ODF2: variants seen among roughly 807,000 people sequenced by gnomAD.
ODF2 encodes outer dense fiber protein 2.
A neutral mutation model predicts 110.2 loss-of-function variants in ODF2; 47 were observed. The ratio of observed to expected loss-of-function variants is 0.43; its 90% CI spans 0.34 to 0.54. The LOEUF (loss-of-function observed/expected upper bound fraction) is 0.54. ODF2 is among the 20% of genes least tolerant of loss of function. The probability of loss-of-function intolerance (pLI) is 0.03; values close to 1 mark genes in which losing one functional copy is unlikely to be tolerated. For synonymous variants in ODF2, 352 were observed against 397.7 expected (o/e 0.89, Z 1.37); for missense variants, 812 against 1,054.5 (o/e 0.77, Z 3.19).
chr9:128,496,124 G>A (rs761257789), exon 18 of ODF2: 8 of 1,614,006 alleles, frequency 5.0e-6, no homozygotes, highest in Non-Finnish European at 6.8e-6. Flanking sequence ...TGAGTCTGAA[G>A]GTGGATGAAC....
At chr9:128,483,690 G>A (rs1466133214) in intron 10 of ODF2, among the ~76,000 whole-genome samples, 1 of 151,842 alleles carries the variant, frequency 6.6e-6, no homozygotes, top group Non-Finnish European at 1.5e-5. Flanking sequence ...ATCGAGACCA[G>A]TCTGGCCAAC....
intron 8 of ODF2, 112 bp downstream of exon 8, chr9:128,473,853 T>G: frequency 1.1e-6 from 1 of 926,012 alleles, no homozygotes; most frequent in South Asian, 1.6e-5. Context: ...GAGAGGTCCT[T>G]AGAGAGATGT....
chr9:128,462,209 T>C (rs1588714865), intron 4 of ODF2, among the ~76,000 whole-genome samples: 1 of 151,894 alleles, frequency 6.6e-6, no homozygotes, highest in Non-Finnish European at 1.5e-5. Flanking sequence ...TGGAGTGCAG[T>C]GGCGCGATCT....
In ODF2 at chr9:128,494,849, G is replaced by A; in HGVS notation, c.1911+181G>A. The A allele has an allele frequency of 6.7e-7, 1 of 1,484,332 alleles. No individual in the cohort carries two copies. The highest frequency in any genetic ancestry group is 8.9e-7 in the Non-Finnish European group (1 of 1,118,526). 91.9% of individuals were successfully genotyped at this position (1,484,332 alleles called of 1,614,324 possible). A position where few individuals can be genotyped will look rare whatever the true frequency, so the allele number is the denominator to read the frequency against. Reference sequence around the variant, plus strand: ...CTGGTGTGCCAAATGCCATGTGTTTGCACAAAGTGATTGTAGTTATAGGAG... The same window carrying A: ...CTGGTGTGCCAAATGCCATGTGTTTACACAAAGTGATTGTAGTTATAGGAG... On this transcript the variant is annotated intron_variant, in intron 17 of 20. Transcript: ENST00000604420. This position sits in a 1 kb window ranked among gnomAD's most constrained non-coding sequence, Gnocchi z 4.6.
At chr9:128,456,034 A>G (rs1834684186), upstream of ODF2, 1 of 1,457,440 alleles carries the variant, frequency 6.9e-7, no homozygotes, top group African/African-American at 1.5e-5. Flanking sequence ...CTGTGACGCT[A>G]GGGGCTGGGC....
rs529791194 is a variant in ODF2, at chr9:128,466,293, G to A, written c.250-2890G>A. ...CCAGCTTGGACAATGTGACGAAACCGTATCTCTACCAAAAATACAAAAAAT... is the reference window on the plus strand; with the variant it reads ...CCAGCTTGGACAATGTGACGAAACCATATCTCTACCAAAAATACAAAAAAT... On this transcript the variant is annotated intron_variant, in intron 4 of 20. Coordinates refer to ENST00000604420, the Ensembl canonical transcript of ODF2. 3.9e-5 allele frequency among the ~76,000 whole-genome samples: 6 copies of A among 151,924 alleles called. No homozygotes were observed. In the South Asian group the frequency reaches 6.2e-4, roughly 16 times the overall value.
At chr9:128,487,334 G>A (rs1429928542) in intron 13 of ODF2, among the ~76,000 whole-genome samples, 1 of 152,172 alleles carries the variant, frequency 6.6e-6, no homozygotes, top group African/African-American at 2.4e-5. Context: ...CTTAACGGAC[G>A]TCGTTCAGAG....
exon 7 of ODF2, chr9:128,472,990 C>T (rs767075640): frequency 2.5e-6 from 4 of 1,614,020 alleles, no homozygotes; most frequent in South Asian, 2.2e-5. Context: ...GATGGGGCTG[C>T]GGCTGCCAAG....
chr9:128,468,960 T>C (rs1839023607), intron 4 of ODF2: 1 of 529,574 alleles, frequency 1.9e-6, no homozygotes, highest in African/African-American at 1.9e-5. Flanking sequence ...CTTAACATTG[T>C]AGCCCAAGCT....
chr9:128,490,577 G>A (rs1169729421), intron 14 of ODF2, among the ~76,000 whole-genome samples: 2 of 151,982 alleles, frequency 1.3e-5, no homozygotes, highest in South Asian at 2.1e-4. Context: ...GAGCCACCAC[G>A]CCTGGCCTTT....
chr9:128,455,293 T>C, upstream of ODF2: 8 of 1,463,710 alleles, frequency 5.5e-6, no homozygotes, highest in Non-Finnish European at 7.4e-6. Context: ...GGCTCAAGCC[T>C]GTAATACAAG....
intron 17 of ODF2, among the ~76,000 whole-genome samples, 190 bp from the exon 18 acceptor site, chr9:128,495,850 AG>A (rs1168051309): frequency 3.3e-5 from 5 of 151,804 alleles, no homozygotes; most frequent in Non-Finnish European, 7.4e-5. Flanking sequence ...GTGTGGGGAG[AG>A]CCTTTTGTCT....
intron 4 of ODF2, among the ~76,000 whole-genome samples, chr9:128,461,714 C>T (rs1836509241): frequency 6.6e-6 from 1 of 152,106 alleles, no homozygotes; most frequent in African/African-American, 2.4e-5. Flanking sequence ...CCACCACAGC[C>T]AGCCTATTTT....
At chr9:128,473,626 G>T in exon 8 of ODF2, 3 of 1,613,344 alleles carry the variant, frequency 1.9e-6, no homozygotes, top group Non-Finnish European at 2.5e-6. Flanking sequence ...CAAATGACCT[G>T]CACGGACATC....
upstream of ODF2, chr9:128,455,959 C>T: frequency 7.1e-7 from 1 of 1,407,836 alleles, no homozygotes; most frequent in Non-Finnish European, 9.2e-7. Context: ...ACGCGTAGCA[C>T]GTCTCCTTGG....
At chr9:128,457,178 A>T in intron 1 of ODF2, 1 of 1,516,964 alleles carries the variant, frequency 6.6e-7, no homozygotes, top group South Asian at 1.2e-5. Flanking sequence ...AGCCTCTACT[A>T]TTTCCCCCTA....
intron 1 of ODF2, chr9:128,456,722 G>A: frequency 2.2e-6 from 3 of 1,364,040 alleles, no homozygotes; most frequent in Non-Finnish European, 1.9e-6. Flanking sequence ...GCTGTCCCCC[G>A]GGCACCGTCT....
Position 128,477,371 on chromosome 9 carries a change from A to T in ODF2, c.843+3630A>T, listed in dbSNP as rs1441072073. Among the ~76,000 whole-genome samples, 4 of 151,928 alleles carry T rather than the reference A, an allele frequency of 2.6e-5. No homozygotes were observed. The East Asian group carries it at 5.9e-4, about 22-fold the overall frequency. ...TGAGACCAGCCGGGGCAACACAGTG[A>T]GACTTCATCTGTACAAAACATTTTA... On this transcript the variant is annotated intron_variant, in intron 8 of 20. Coordinates refer to ENST00000604420, the Ensembl canonical transcript of ODF2.
At chr9:128,463,384 C>T (rs1433392830) in intron 4 of ODF2, among the ~76,000 whole-genome samples, 1 of 152,032 alleles carries the variant, frequency 6.6e-6, no homozygotes, top group Non-Finnish European at 1.5e-5. Flanking sequence ...TTTGGGAGGC[C>T]AAAGCAGGAG....
Sources: gnomAD v4.1 joint callset for allele counts (sites outside exome capture counted in the v4.1 genomes callset) on GRCh38, gnomAD v4.1.1 for gene constraint, Gnocchi (gnomAD v3.1) non-coding constraint, MANE v1.5 for transcripts, NCBI Gene and HGNC (gene_info 2026-07-23, HGNC 2026-07-21) for gene names.